Variants in GPD1L observed in about 807,000 individuals in gnomAD.
The protein encoded by GPD1L is glycerol-3-phosphate dehydrogenase 1-like protein.
A neutral mutation model predicts 32.9 loss-of-function variants in GPD1L; 17 were observed. That is an observed-to-expected ratio of 0.52 (90% CI 0.35 to 0.78). GPD1L has a LOEUF of 0.78. Ranked by LOEUF, GPD1L falls within the 30% of genes least tolerant of loss-of-function variation. The probability of loss-of-function intolerance (pLI) is 0.01; values close to 1 mark genes in which losing one functional copy is unlikely to be tolerated. For missense variants in GPD1L, 361 were observed against 447.8 expected (o/e 0.81, Z 1.75); for synonymous variants, 187 against 165.9 (o/e 1.13, Z -0.98).
chr3:32,146,726 G>A lies in GPD1L; in HGVS notation c.610G>A (p.Ala204Thr). ...DDADTVELCG[A>T]LKNIVAVGAG... ...TGCAGACACTGTTGAACTCTGTGGT[G>A]CGCTTAAGGTAAAGTCAGCCTCAGG... Residue 204 changes from alanine to threonine, a missense_variant, in exon 5 of 8, where the codon GCG (alanine) becomes ACG (threonine). By Grantham distance (58) the Ala-to-Thr change is moderately conservative. Transcript: ENST00000282541. The A allele has an allele frequency of 1.3e-6, 2 of 1,598,146 alleles. No homozygotes were observed. Among genetic ancestry groups the A allele is most frequent in the Non-Finnish European group, 8.6e-7 (1 of 1,165,752 alleles).
intron 1 of GPD1L, among the ~76,000 whole-genome samples, chr3:32,113,241 GA>G (rs1206666479): frequency 7.3e-6 from 1 of 136,646 alleles, no homozygotes; most frequent in Non-Finnish European, 1.5e-5. Context: ...ATTAATTGTT[GA>G]AAAAATCTTA....
At chr3:32,162,951 T>C (rs1330562674) in intron 7 of GPD1L, among the ~76,000 whole-genome samples, 1 of 151,360 alleles carries the variant, frequency 6.6e-6, no homozygotes, top group Admixed American at 6.6e-5. Context: ...TAGAGACTGG[T>C]TTTTACCACG....
rs1419113947 is a variant in GPD1L at position 32,115,819 on chromosome 3, C to T, written c.47+9061C>T. On this transcript the variant is annotated intron_variant, in intron 1 of 7. Coordinates refer to ENST00000282541, the MANE Select transcript of GPD1L (RefSeq NM_015141.4). ...TTTTTTTTTTTTTGAGACGGAGTCTCGCTCTGTTGCACAGGTTGGAGTGCA... is the reference window on the plus strand; with the variant it reads ...TTTTTTTTTTTTTGAGACGGAGTCTTGCTCTGTTGCACAGGTTGGAGTGCA... 3.8e-4 allele frequency among the ~76,000 whole-genome samples: 34 copies of T among 88,558 alleles called. 3 individuals carry two copies. Among genetic ancestry groups the T allele is most frequent in the Middle Eastern group, 0.014 (1 of 70 alleles). The allele number at this position is 88,558 out of a possible 152,430, so 58.1% of individuals were successfully genotyped here.
chr3:32,118,871 T>G (rs1325130133), intron 1 of GPD1L, among the ~76,000 whole-genome samples: 5 of 152,242 alleles, frequency 3.3e-5, no homozygotes, highest in Non-Finnish European at 5.9e-5. Context: ...TTATACATTA[T>G]TTATCCTTCT....
chr3:32,167,303 C>G lies in GPD1L; in HGVS notation c.*1393C>G, dbSNP rs1701161816. ...CCCATTTTTCTAGCCTAGCAAGTCC[C>G]AAACACATTACACTGAAGAGATTTT... is the stretch of plus-strand genomic sequence containing the variant. On this transcript the variant is annotated 3_prime_UTR_variant, in exon 8 of 8. Coordinates refer to ENST00000282541, the MANE Select transcript of GPD1L (RefSeq NM_015141.4). The G allele has an allele frequency of 6.6e-6, 1 of 152,248 alleles. No homozygotes were observed. Among genetic ancestry groups the G allele is most frequent in the Non-Finnish European group, 1.5e-5 (1 of 68,064 alleles). The allele number at this position is 152,248 out of a possible 1,614,324, so 9.4% of individuals were successfully genotyped here. A position where few individuals can be genotyped will look rare whatever the true frequency, so the allele number is the denominator to read the frequency against.
chr3:32,166,172 T>G lies in GPD1L; in HGVS notation c.*262T>G. On this transcript the variant is annotated 3_prime_UTR_variant, in exon 8 of 8. Transcript: ENST00000282541. ...TGTTTCTATGAGCCAAAATTTGATG[T>G]CTTTTTTTCAAAATTGCTTATGAAA... The G allele has an allele frequency of 3.9e-6, 2 of 507,732 alleles. No individual in the cohort carries two copies. The highest frequency in any genetic ancestry group is 7.1e-6 in the Non-Finnish European group (2 of 281,568). The allele number at this position is 507,732 out of a possible 1,614,324, so 31.5% of individuals were successfully genotyped here.
chr3:32,154,053 G>A (rs747839386), intron 5 of GPD1L, among the ~76,000 whole-genome samples: 7 of 152,074 alleles, frequency 4.6e-5, no homozygotes, highest in African/African-American at 1.4e-4. Context: ...ACATCTGCTC[G>A]GATGCTGTTC....
Position 32,159,535 on chromosome 3 carries a change from G to GT in GPD1L, c.853-26dup, listed in dbSNP as rs777762215. 188 of 1,221,982 alleles carry GT rather than the reference G, an allele frequency of 1.5e-4. 1 individual carries two copies. Among genetic ancestry groups the GT allele is most frequent in the South Asian group, 1.0e-3 (81 of 81,276 alleles). The allele number at this position is 1,221,982 out of a possible 1,614,324, so 75.7% of individuals were successfully genotyped here. A position where few individuals can be genotyped will look rare whatever the true frequency, so the allele number is the denominator to read the frequency against. On this transcript the variant is annotated intron_variant, in intron 6 of 7. Transcript: ENST00000282541. ...AAATGATTCTTTAGTCTTTACCATA[G>GT]TTTTTTTAAATATATAATCCTTTGT...
intron 2 of GPD1L, among the ~76,000 whole-genome samples, chr3:32,132,910 C>G (rs1263166980): frequency 1.3e-5 from 2 of 152,148 alleles, no homozygotes; most frequent in Admixed American, 6.5e-5. Flanking sequence ...AGATAAGGTC[C>G]TCTGTCTGAG....
intron 2 of GPD1L, among the ~76,000 whole-genome samples, chr3:32,133,389 T>C (rs1356233465): frequency 6.6e-6 from 1 of 152,224 alleles, no homozygotes; most frequent in African/African-American, 2.4e-5. Flanking sequence ...GTAAGATTCA[T>C]GGATTTTAGG....
chr3:32,158,617 T>A, intron 5 of GPD1L: 1 of 648,170 alleles, frequency 1.5e-6, no homozygotes, highest in Non-Finnish European at 2.6e-6. Flanking sequence ...TCAGCCGTTC[T>A]GATTTTCTGT....
At chr3:32,128,449 G>A (rs990697772) in intron 2 of GPD1L, among the ~76,000 whole-genome samples, 196 bp downstream of exon 2, 3 of 152,180 alleles carry the variant, frequency 2.0e-5, no homozygotes, top group Admixed American at 6.5e-5. Flanking sequence ...CCTTAACAAA[G>A]TGCCAGACTG....
chr3:32,153,996 A>C (rs532172577), intron 5 of GPD1L, among the ~76,000 whole-genome samples: 54 of 152,202 alleles, frequency 3.5e-4, no homozygotes, highest in African/African-American at 1.3e-3. Context: ...GCAGATTTAA[A>C]TGCACAGTGG....
intron 4 of GPD1L, among the ~76,000 whole-genome samples, chr3:32,144,853 A>ACC (rs748024935): frequency 2.0e-5 from 3 of 146,674 alleles, no homozygotes; most frequent in Admixed American, 6.8e-5. Flanking sequence ...ACACACACAC[A>ACC]CCACCACGCC....
chr3:32,122,822 G>C (rs1349420817), intron 1 of GPD1L, among the ~76,000 whole-genome samples: 2 of 152,158 alleles, frequency 1.3e-5, no homozygotes, highest in African/African-American at 4.8e-5. Context: ...ACATCATGCA[G>C]GCAGCACCCT....
intron 5 of GPD1L, chr3:32,158,532 G>C: frequency 2.4e-6 from 1 of 413,930 alleles, no homozygotes. Context: ...TGTTATGGTT[G>C]CATAAAGCAT....
rs757125355 is a variant in GPD1L at position 32,146,603 on chromosome 3, T to C, written c.506-19T>C. The stretch of plus-strand genomic sequence containing the variant: ...TTAGAGGCTGTTATTAATATCCTTG[T>C]TGTCTAACCTTTCAACAGGCAGCAA... On this transcript the variant is annotated intron_variant, in intron 4 of 7. Transcript: ENST00000282541. 48 of 1,376,156 alleles carry C rather than the reference T, an allele frequency of 3.5e-5. No individual in the cohort carries two copies. Among genetic ancestry groups the C allele is most frequent in the Non-Finnish European group, 4.9e-5 (47 of 963,016 alleles). The allele number at this position is 1,376,156 out of a possible 1,614,324, so 85.2% of individuals were successfully genotyped here.
At chr3:32,123,068 T>G (rs1480967324) in intron 1 of GPD1L, among the ~76,000 whole-genome samples, 1 of 152,036 alleles carries the variant, frequency 6.6e-6, no homozygotes, top group Non-Finnish European at 1.5e-5. Flanking sequence ...CATGCCCAGC[T>G]AATTTTTTAT....
chr3:32,109,147 C>T (rs1700211711), intron 1 of GPD1L, among the ~76,000 whole-genome samples: 1 of 152,190 alleles, frequency 6.6e-6, no homozygotes, highest in Admixed American at 6.5e-5. Flanking sequence ...CCGTACCCGG[C>T]CGGCTTTGCC....
Sources: gnomAD v4.1 joint callset for allele counts (sites outside exome capture counted in the v4.1 genomes callset) on GRCh38, gnomAD v4.1.1 for gene constraint, MANE v1.5 for transcripts, NCBI Gene and HGNC (gene_info 2026-07-23, HGNC 2026-07-21) for gene names.